Variants in TRIM2 observed in about 807,000 individuals in gnomAD.
The protein encoded by TRIM2 is tripartite motif containing 2.
In TRIM2, 20 loss-of-function variants were observed where a neutral mutation model predicts 75.2. The ratio of observed to expected loss-of-function variants is 0.27; its 90% CI spans 0.19 to 0.39. TRIM2 has a LOEUF of 0.39. TRIM2 is among the 10% of genes least tolerant of loss of function. TRIM2 has a pLI of 1.00. For missense variants in TRIM2, 660 were observed against 990.8 expected, an observed-to-expected ratio of 0.67 and a Z score of 4.48; for synonymous variants, 373 against 388.3, an observed-to-expected ratio of 0.96 and a Z score of 0.46.
intron 1 of TRIM2, among the ~76,000 whole-genome samples, chr4:153,176,029 T>C (rs1731397931): frequency 6.6e-6 from 1 of 151,772 alleles, no homozygotes; most frequent in Non-Finnish European, 1.5e-5. Context: ...CACTCCAGCC[T>C]GGGCAACATA....
chr4:153,320,695 C>T (rs149113610), intron 8 of TRIM2, among the ~76,000 whole-genome samples: 43 of 152,252 alleles, frequency 2.8e-4, no homozygotes, highest in East Asian at 3.9e-4. Context: ...TGAGGTGGCG[C>T]GACCTTGGCT....
At chr4:153,277,008 T>G in intron 3 of TRIM2, among the ~76,000 whole-genome samples, 1 of 152,196 alleles carries the variant, frequency 6.6e-6, no homozygotes, top group East Asian at 1.9e-4. Context: ...ACTTCAAAAG[T>G]ATTTGAAACT....
At chr4:153,302,348 C>T (rs749437860) in intron 6 of TRIM2, among the ~76,000 whole-genome samples, 1 of 152,156 alleles carries the variant, frequency 6.6e-6, no homozygotes, top group Non-Finnish European at 1.5e-5. Context: ...TAGTGCCTGC[C>T]AGGCGTTATT....
chr4:153,257,316 G>A (rs1342939755), intron 1 of TRIM2: 1 of 773,540 alleles, frequency 1.3e-6, no homozygotes, highest in Admixed American at 5.2e-5. Context: ...AGCCACCCAC[G>A]AATCTCATTG....
At chr4:153,255,799 C>T in intron 1 of TRIM2, among the ~76,000 whole-genome samples, 1 of 152,188 alleles carries the variant, frequency 6.6e-6, no homozygotes, top group Middle Eastern at 3.2e-3. Context: ...ACACATGCTA[C>T]CACATGGATG....
intron 1 of TRIM2, among the ~76,000 whole-genome samples, chr4:153,209,313 C>T (rs775152649): frequency 6.6e-5 from 10 of 152,178 alleles, no homozygotes; most frequent in Non-Finnish European, 1.5e-4. Flanking sequence ...TGTTTTATCA[C>T]TCCGATATGT....
At chr4:153,246,376 C>T (rs1749144108) in intron 1 of TRIM2, among the ~76,000 whole-genome samples, 1 of 152,126 alleles carries the variant, frequency 6.6e-6, no homozygotes, top group African/African-American at 2.4e-5. Flanking sequence ...GATTCCAGAG[C>T]CTGGATTCTT....
In TRIM2 at chr4:153,280,985, G is replaced by T. The variant is rs1225354188; in HGVS notation, c.453+4855G>T. Among the ~76,000 whole-genome samples, 3 of 151,982 alleles carry T rather than the reference G, an allele frequency of 2.0e-5. No homozygotes were observed. In the East Asian group the frequency reaches 5.8e-4, roughly 29 times the overall value. ...AGGTGTGAGCCACCGCGCCCAGCCT[G>T]CAAATTCTTAATATGTAAAAGCACT... is the stretch of plus-strand genomic sequence containing the variant. On this transcript the variant is annotated intron_variant, in intron 3 of 11. Transcript: ENST00000338700.
intron 2 of TRIM2, among the ~76,000 whole-genome samples, chr4:153,271,028 A>T (rs1337977947): frequency 1.3e-5 from 2 of 152,228 alleles, no homozygotes; most frequent in African/African-American, 4.8e-5. Flanking sequence ...ATATATATTA[A>T]ATAAATTACC....
chr4:153,210,208 A>T (rs1736607917), intron 1 of TRIM2, among the ~76,000 whole-genome samples: 1 of 151,746 alleles, frequency 6.6e-6, no homozygotes, highest in African/African-American at 2.4e-5. Context: ...GGGATTACAG[A>T]CACCTGCTAC....
chr4:153,234,615 TTA>T (rs1744524088), intron 1 of TRIM2, among the ~76,000 whole-genome samples: 1 of 152,226 alleles, frequency 6.6e-6, no homozygotes, highest in Admixed American at 6.5e-5. Context: ...TCCTTGTGGC[TTA>T]GAGTCATTGT....
chr4:153,172,313 G>A (rs1025308592), intron 1 of TRIM2, among the ~76,000 whole-genome samples: 3 of 151,928 alleles, frequency 2.0e-5, no homozygotes, highest in Non-Finnish European at 4.4e-5. Flanking sequence ...TCAGCCTCCC[G>A]AGTAGCTGGG....
Position 153,292,967 on chromosome 4 carries a change from TTG to T in TRIM2, c.454-11_454-10del. The T allele has an allele frequency of 6.3e-7, 1 of 1,594,122 alleles. No individual in the cohort carries two copies. The highest frequency in any genetic ancestry group is 8.6e-7 in the Non-Finnish European group (1 of 1,167,200). On this transcript the variant is annotated splice_polypyrimidine_tract_variant and intron_variant, in intron 3 of 11. Coordinates refer to ENST00000338700, the MANE Select transcript of TRIM2 (RefSeq NM_015271.5). ...CATGGCCCAGAACCAGGAACTTTTC[TTG>T]TGTCATCCACAGGTGATGGAATTTT...
At chr4:153,314,277 GGGCGTAGT>G (rs1261259301) in intron 6 of TRIM2, among the ~76,000 whole-genome samples, 1 of 150,500 alleles carries the variant, frequency 6.6e-6, no homozygotes, top group Non-Finnish European at 1.5e-5. Context: ...AAAATTAGCC[GGGCGTAGT>G]GGCGGGCGCC....
At chr4:153,293,180 G>T in intron 4 of TRIM2, 47 bp downstream of exon 4, 2 of 1,560,332 alleles carry the variant, frequency 1.3e-6, no homozygotes, top group African/African-American at 1.3e-5. Flanking sequence ...TGTACTTGAG[G>T]CCTGGCCTCA....
At chr4:153,285,790 G>A (rs1056232321) in intron 3 of TRIM2, among the ~76,000 whole-genome samples, 1 of 151,520 alleles carries the variant, frequency 6.6e-6, no homozygotes, top group African/African-American at 2.4e-5. Context: ...TATTCTTTAG[G>A]ATTTTCTGTA....
rs530028617 is a variant in TRIM2, at chr4:153,291,218, G to T, written c.454-1764G>T. On this transcript the variant is annotated intron_variant, in intron 3 of 11. Transcript: ENST00000338700. ...GTTTTTTCCAAAACACATGTAGTATGAGCAAGCTGAGTGCTTTATTCCTAG... is the reference window on the plus strand; with the variant it reads ...GTTTTTTCCAAAACACATGTAGTATTAGCAAGCTGAGTGCTTTATTCCTAG... Among the ~76,000 whole-genome samples, 6 of 152,302 alleles carry T rather than the reference G, an allele frequency of 3.9e-5. No homozygotes were observed. The South Asian group carries it at 1.2e-3, about 32-fold the overall frequency.
Position 153,336,290 on chromosome 4 carries a change from C to G in TRIM2, c.*1324C>G. The G allele has an allele frequency of 1.0e-6, 1 of 984,822 alleles. No homozygotes were observed. The highest frequency in any genetic ancestry group is 1.2e-6 in the Non-Finnish European group (1 of 829,792). The allele number at this position is 984,822 out of a possible 1,614,324, so 61.0% of individuals were successfully genotyped here. A position where few individuals can be genotyped will look rare whatever the true frequency, so the allele number is the denominator to read the frequency against. On this transcript the variant is annotated 3_prime_UTR_variant, in exon 12 of 12. Coordinates refer to ENST00000338700, the MANE Select transcript of TRIM2 (RefSeq NM_015271.5). Reference sequence around the variant, plus strand: ...AGCCCTAAAGCAGATTTAATTTTTGCCATTTTCCAAGAATGACGGTGGTGG... The same window carrying G: ...AGCCCTAAAGCAGATTTAATTTTTGGCATTTTCCAAGAATGACGGTGGTGG...
chr4:153,301,133 G>A (rs1014832071), intron 6 of TRIM2, among the ~76,000 whole-genome samples: 64 of 151,820 alleles, frequency 4.2e-4, no homozygotes, highest in Middle Eastern at 3.4e-3. Context: ...AGAGGCTGCA[G>A]TGAGCCAAGA....
Sources: gnomAD v4.1 joint callset for allele counts (sites outside exome capture counted in the v4.1 genomes callset) on GRCh38, gnomAD v4.1.1 for gene constraint, MANE v1.5 for transcripts, NCBI Gene and HGNC (gene_info 2026-07-23, HGNC 2026-07-21) for gene names.